Variants in KIF13A observed in about 807,000 individuals in gnomAD.
KIF13A encodes kinesin-like protein KIF13A.
KIF13A carries 79 observed loss-of-function variants against 212.2 expected under a neutral mutation model. The observed-to-expected ratio is 0.37, with a 90% CI of 0.31 to 0.45. The LOEUF (loss-of-function observed/expected upper bound fraction) is 0.45, where lower values mean the gene tolerates loss of function less well. KIF13A is among the 20% of genes least tolerant of loss of function. The pLI is 1.00. For missense variants in KIF13A, 1,901 were observed against 2,209.0 expected (o/e 0.86, Z 2.79); for synonymous variants, 789 against 808.6 (o/e 0.98, Z 0.41).
At chr6:17,882,145 C>G (rs1042918410) in intron 3 of KIF13A, 2 of 443,560 alleles carry the variant, frequency 4.5e-6, no homozygotes, top group Admixed American at 4.8e-5. Flanking sequence ...TGTATCCTTT[C>G]ATTTGTCCTT....
chr6:17,815,531 G>C (rs1763849931), intron 17 of KIF13A: 2 of 352,736 alleles, frequency 5.7e-6, no homozygotes, highest in South Asian at 2.2e-5. Context: ...GAGCCCTCTA[G>C]TGGCCCTGTT....
chr6:17,861,306 C>T (rs1768758058), intron 4 of KIF13A, among the ~76,000 whole-genome samples: 1 of 152,146 alleles, frequency 6.6e-6, no homozygotes, highest in African/African-American at 2.4e-5. Flanking sequence ...AAAGACAATG[C>T]ATTCTGTTTT....
chr6:17,887,528 C>G (rs140997951), intron 3 of KIF13A, among the ~76,000 whole-genome samples: 371 of 152,288 alleles, frequency 2.4e-3, no homozygotes, highest in African/African-American at 8.7e-3. Flanking sequence ...CCTAAATGAT[C>G]TTCATAGCCT....
chr6:17,844,150 T>C (rs1422918065), intron 9 of KIF13A, among the ~76,000 whole-genome samples: 1 of 152,132 alleles, frequency 6.6e-6, no homozygotes, highest in South Asian at 2.1e-4. Flanking sequence ...TCCTCACTCT[T>C]AACAGTAAAG....
intron 2 of KIF13A, among the ~76,000 whole-genome samples, chr6:17,931,445 A>G (rs1175502393): frequency 6.7e-6 from 1 of 149,290 alleles, no homozygotes; most frequent in Non-Finnish European, 1.5e-5. Context: ...AGCACCATGT[A>G]GTAAAATAAG....
chr6:17,842,839 A>G (rs369881392), intron 9 of KIF13A, among the ~76,000 whole-genome samples: 8,450 of 152,140 alleles, frequency 0.056, 364 homozygotes, highest in African/African-American at 0.11. Context: ...AGTGAGAAAA[A>G]ACCGAGTTAT....
chr6:17,843,036 T>C lies in KIF13A; in HGVS notation c.831-5453A>G, dbSNP rs192143069. ...ATAATCAGTTCTAAGATCATATATA[T>C]AATACTTATTAAACTTTATTGGAGT... On this transcript the variant is annotated intron_variant, in intron 9 of 38. Transcript: ENST00000259711. The surrounding 1 kb of genome is among the most constrained non-coding windows in gnomAD (Gnocchi z 5.3). 2.0e-5 allele frequency among the ~76,000 whole-genome samples: 3 copies of C among 152,304 alleles called. No homozygotes were observed. In the East Asian group the frequency reaches 5.8e-4, roughly 29 times the overall value.
At chr6:17,824,588 G>T (rs1050046551) in intron 16 of KIF13A, among the ~76,000 whole-genome samples, 1 of 151,872 alleles carries the variant, frequency 6.6e-6, no homozygotes, top group African/African-American at 2.4e-5. Context: ...GTGAAACCCC[G>T]TCTCTACTAA....
chr6:17,935,021 C>G (rs1039833732), intron 2 of KIF13A, among the ~76,000 whole-genome samples: 3 of 152,174 alleles, frequency 2.0e-5, no homozygotes, highest in African/African-American at 7.2e-5. Context: ...CTAAGGGCAA[C>G]AGCAACTTCA....
chr6:17,851,857 A>C (rs940769538), intron 7 of KIF13A, 98 bp downstream of exon 7: 2 of 535,292 alleles, frequency 3.7e-6, no homozygotes, highest in Non-Finnish European at 3.1e-6. Flanking sequence ...GAGTAGTATC[A>C]TTCTGCTATA....
chr6:17,941,167 A>C (rs1776929819), intron 2 of KIF13A, among the ~76,000 whole-genome samples: 1 of 152,206 alleles, frequency 6.6e-6, no homozygotes, highest in Admixed American at 6.5e-5. Flanking sequence ...TTTAACTGGT[A>C]TTTGAAGGGT....
chr6:17,881,354 T>C (rs1448382648), intron 3 of KIF13A: 2 of 347,468 alleles, frequency 5.8e-6, no homozygotes, highest in Non-Finnish European at 1.1e-5. Context: ...TGAAGTTCCA[T>C]GACTTACGAA....
chr6:17,833,855 CAAAA>C (rs11358140), intron 12 of KIF13A, 102 bp downstream of exon 12: 1,193 of 363,718 alleles, frequency 3.3e-3, no homozygotes, highest in South Asian at 3.5e-3. Flanking sequence ...GACTCCGTCT[CAAAA>C]AAAAAAAAAA....
intron 3 of KIF13A, among the ~76,000 whole-genome samples, chr6:17,881,147 C>T (rs1337060989): frequency 6.6e-6 from 1 of 152,168 alleles, no homozygotes; most frequent in Non-Finnish European, 1.5e-5. Context: ...AATCCCACTC[C>T]TTCCTCTTAG....
chr6:17,881,325 T>G (rs969861999), intron 3 of KIF13A, among the ~76,000 whole-genome samples: 1 of 152,076 alleles, frequency 6.6e-6, no homozygotes, highest in Non-Finnish European at 1.5e-5. Context: ...TGTTGAGAGA[T>G]ATATATAATC....
At position 17,773,990 on chromosome 6, in the gene KIF13A, A is replaced by C. The variant is rs1759719516; in HGVS notation, c.4219-407T>G. On this transcript the variant is annotated intron_variant, in intron 35 of 38. Transcript: ENST00000259711. The surrounding 1 kb of genome is among the most constrained non-coding windows in gnomAD (Gnocchi z 4.2). The stretch of plus-strand genomic sequence containing the variant: ...CCATTAGTAATTCTGCCTGGGTAGA[A>C]GGCACAGCTGAGACTGTCCAAGGCA... Among the ~76,000 whole-genome samples the C allele has an allele frequency of 2.0e-5, 3 of 152,202 alleles. No homozygotes were observed. In the South Asian group the frequency reaches 6.2e-4, roughly 31 times the overall value.
At chr6:17,874,999 G>GCACACA (rs1554188630) in intron 3 of KIF13A, among the ~76,000 whole-genome samples, 5,039 of 120,168 alleles carry the variant, frequency 0.042, 203 homozygotes, top group African/African-American at 0.11. Context: ...ACACGCACAC[G>GCACACA]CACGCACACA....
chr6:17,869,020 A>AAAAC (rs1769736972), intron 4 of KIF13A, among the ~76,000 whole-genome samples: 1 of 124,040 alleles, frequency 8.1e-6, no homozygotes, highest in African/African-American at 2.9e-5. Context: ...AAAAAAAAAA[A>AAAAC]CACAAATAAA....
At chr6:17,909,099 T>C (rs1773791217) in intron 2 of KIF13A, among the ~76,000 whole-genome samples, 1 of 152,240 alleles carries the variant, frequency 6.6e-6, no homozygotes, top group Non-Finnish European at 1.5e-5. Context: ...TTAGATGCCA[T>C]TGCTGTTGTT....
Sources: allele counts gnomAD v4.1 joint callset (sites outside exome capture counted in the v4.1 genomes callset), GRCh38; gene constraint gnomAD v4.1.1; non-coding constraint Gnocchi (gnomAD v3.1); transcripts MANE v1.5; gene names NCBI Gene and HGNC (gene_info 2026-07-23, HGNC 2026-07-21).